MSR1: variants seen among roughly 807,000 people sequenced by gnomAD.
The protein encoded by MSR1 is macrophage scavenger receptor types I and II.
A neutral mutation model predicts 47.2 loss-of-function variants in MSR1; 53 were observed. The ratio of observed to expected loss-of-function variants is 1.12; its 90% CI spans 0.90 to 1.41. The LOEUF (loss-of-function observed/expected upper bound fraction) is 1.41, where lower values mean the gene tolerates loss of function less well. Among genes scored for constraint, MSR1 ranks in the 40% most tolerant of loss-of-function variants. The probability of loss-of-function intolerance (pLI) is 0.00; values close to 1 mark genes in which losing one functional copy is unlikely to be tolerated. For missense variants in MSR1, 786 were observed against 546.9 expected, an observed-to-expected ratio of 1.44 and a Z score of -4.36; for synonymous variants, 239 against 185.6, an observed-to-expected ratio of 1.29 and a Z score of -2.34.
intron 8 of MSR1, among the ~76,000 whole-genome samples, chr8:16,135,738 G>A (rs1800373203): frequency 6.6e-6 from 1 of 152,086 alleles, no homozygotes; most frequent in Non-Finnish European, 1.5e-5. Context: ...ATCCTATATG[G>A]CATTAAAATA....
Position 16,175,294 on chromosome 8 carries a change from T to G in MSR1, c.110A>C (p.Lys37Thr). Residue 37 changes from lysine to threonine, a missense_variant, in exon 3 of 10, where the codon AAA becomes ACA. By Grantham distance (78) the Lys-to-Thr change is moderately conservative. Transcript: ENST00000262101. ...SMTALLPPNP[K>T]NSPSLQEKLK... Reference sequence around the variant, plus strand: ...TTTCTCTTGAAGGGAAGGGCTGTTTTTAGGATCTAATAAAACAAAAAAGCC... The same window carrying G: ...TTTCTCTTGAAGGGAAGGGCTGTTTGTAGGATCTAATAAAACAAAAAAGCC... 1 of 1,613,820 alleles carries G rather than the reference T, an allele frequency of 6.2e-7. No individual in the cohort carries two copies. Among genetic ancestry groups the G allele is most frequent in the Non-Finnish European group, 8.5e-7 (1 of 1,179,712 alleles).
At chr8:16,184,237 C>A (rs1307503924) in intron 1 of MSR1, among the ~76,000 whole-genome samples, 2 of 151,912 alleles carry the variant, frequency 1.3e-5, no homozygotes, top group Non-Finnish European at 2.9e-5. Flanking sequence ...TTTCACATAA[C>A]CTTTTCAGCC....
chr8:16,110,311 CA>C lies in MSR1; in HGVS notation c.1223-94del. The C allele has an allele frequency of 2.9e-6, 4 of 1,396,086 alleles. No individual in the cohort carries two copies. In the Admixed American group the frequency reaches 6.9e-5, roughly 24 times the overall value. 86.5% of individuals were successfully genotyped at this position (1,396,086 alleles called of 1,614,324 possible). The stretch of plus-strand genomic sequence containing the variant: ...GCCATTAATTCCTTCACTAATTAAA[CA>C]AAAAAGTGTTGATTATTTTCTGTAT... On this transcript the variant is annotated intron_variant, in intron 9 of 9. Coordinates refer to ENST00000262101, the MANE Select transcript of MSR1 (RefSeq NM_138715.3).
intron 1 of MSR1, among the ~76,000 whole-genome samples, chr8:16,180,123 C>G (rs1801784950): frequency 6.6e-6 from 1 of 151,296 alleles, no homozygotes; most frequent in Non-Finnish European, 1.5e-5. Flanking sequence ...TCTCTCTCCC[C>G]TTCTCCCTCT....
chr8:16,119,640 T>C (rs968923079), intron 9 of MSR1, among the ~76,000 whole-genome samples: 1 of 152,162 alleles, frequency 6.6e-6, no homozygotes, highest in African/African-American at 2.4e-5. Context: ...CAATAAATCA[T>C]AGCATATTAG....
In MSR1 at chr8:16,189,414, T is replaced by C. The variant is rs796458585; in HGVS notation, c.-5+3184A>G. 6.5e-3 allele frequency among the ~76,000 whole-genome samples: 638 copies of C among 97,910 alleles called. 36 individuals are homozygous for C. In the East Asian group the frequency reaches 0.11, roughly 16 times the overall value. 64.2% of individuals were successfully genotyped at this position (97,910 alleles called of 152,430 possible). ...TTATTTTATATATATTTTATATATA[T>C]TTTATATATATAAAATCATATTTTA... On this transcript the variant is annotated intron_variant, in intron 1 of 9. Coordinates refer to ENST00000262101, the MANE Select transcript of MSR1 (RefSeq NM_138715.3).
intron 9 of MSR1, among the ~76,000 whole-genome samples, chr8:16,115,927 G>A (rs935942797): frequency 1.3e-5 from 2 of 152,110 alleles, no homozygotes; most frequent in African/African-American, 2.4e-5. Context: ...GTTTGAGGCT[G>A]CATTAACCTG....
At chr8:16,123,359 G>C (rs904939764) in intron 8 of MSR1, among the ~76,000 whole-genome samples, 1 of 152,108 alleles carries the variant, frequency 6.6e-6, no homozygotes, top group Non-Finnish European at 1.5e-5. Flanking sequence ...CTCTGTTTTG[G>C]TGATGTAGAA....
rs1163156659 is a variant in MSR1 at position 16,175,267 on chromosome 8, A to G, written c.137T>C (p.Leu46Pro). Reference sequence around the variant, plus strand: ...AATCAGTGCAGCTTTGAAGGACTTCAGTTTCTCTTGAAGGGAAGGGCTGTT... The same window carrying G: ...AATCAGTGCAGCTTTGAAGGACTTCGGTTTCTCTTGAAGGGAAGGGCTGTT... ...PKNSPSLQEK[L>P]KSFKAALIAL... Residue 46 changes from leucine to proline, a missense_variant, in exon 3 of 10, where the codon CTG (leucine) becomes CCG (proline). Leu to Pro is a moderately conservative substitution (Grantham distance 98, BLOSUM62 -3). Transcript: ENST00000262101. 6 of 1,614,032 alleles carry G rather than the reference A, an allele frequency of 3.7e-6. No individual in the cohort carries two copies. The highest frequency in any genetic ancestry group is 5.1e-6 in the Non-Finnish European group (6 of 1,180,002).
chr8:16,146,539 C>T (rs1466063618), intron 7 of MSR1, among the ~76,000 whole-genome samples: 1 of 152,142 alleles, frequency 6.6e-6, no homozygotes, highest in East Asian at 1.9e-4. Flanking sequence ...CCCACAGAAT[C>T]TGCTCTGAAC....
chr8:16,154,744 T>A (rs1800952771), intron 6 of MSR1, among the ~76,000 whole-genome samples: 1 of 152,022 alleles, frequency 6.6e-6, no homozygotes, highest in African/African-American at 2.4e-5. Context: ...TGCCTTATAC[T>A]GTTTGCTGTC....
intron 7 of MSR1, among the ~76,000 whole-genome samples, chr8:16,147,861 T>G (rs1275680658): frequency 6.6e-6 from 1 of 152,150 alleles, no homozygotes; most frequent in East Asian, 1.9e-4. Flanking sequence ...TTCTGCACTG[T>G]TTTTTTCCAC....
At chr8:16,112,942 A>ATTTTTTTTTTTTTTT (rs1563136141) in intron 9 of MSR1, among the ~76,000 whole-genome samples, 2 of 117,754 alleles carry the variant, frequency 1.7e-5, no homozygotes, top group African/African-American at 3.0e-5. Flanking sequence ...ATTTTTTTTA[A>ATTTTTTTTTTTTTTT]GTTTTTTTTT....
At chr8:16,183,813 T>C (rs956708110) in intron 1 of MSR1, among the ~76,000 whole-genome samples, 2 of 141,196 alleles carry the variant, frequency 1.4e-5, no homozygotes, top group Non-Finnish European at 3.1e-5. Context: ...AGTTGGCAAA[T>C]ATATTATATA....
At chr8:16,129,785 G>C (rs938571410) in intron 8 of MSR1, among the ~76,000 whole-genome samples, 4 of 152,034 alleles carry the variant, frequency 2.6e-5, no homozygotes, top group Non-Finnish European at 5.9e-5. Context: ...TTAAGGGCAG[G>C]ACATTTCCAG....
intron 5 of MSR1, among the ~76,000 whole-genome samples, chr8:16,158,753 G>T (rs1358645903): frequency 6.6e-6 from 1 of 151,642 alleles, no homozygotes; most frequent in Non-Finnish European, 1.5e-5. Flanking sequence ...AGGTCTTAAA[G>T]CTAGTTGGGT....
At chr8:16,138,218 TGA>T (rs1265752448) in intron 8 of MSR1, among the ~76,000 whole-genome samples, 1 of 152,154 alleles carries the variant, frequency 6.6e-6, no homozygotes, top group African/African-American at 2.4e-5. Context: ...CAAAGAATGA[TGA>T]GAAATACTAC....
rs189885565 is a variant in MSR1 at position 16,137,556 on chromosome 8, T to C, written c.1033+6002A>G. On this transcript the variant is annotated intron_variant, in intron 8 of 9. Transcript: ENST00000262101. ...AGTGTGGGAATATTGAATGGAGTCA[T>C]AAGGACTTTGGAGATTTAAAGACCT... is the stretch of plus-strand genomic sequence containing the variant. Among the ~76,000 whole-genome samples the C allele has an allele frequency of 2.0e-5, 3 of 152,280 alleles. No individual in the cohort carries two copies. In the East Asian group the frequency reaches 5.8e-4, roughly 29 times the overall value.
At chr8:16,117,750 T>A (rs113915058) in intron 9 of MSR1, among the ~76,000 whole-genome samples, 7,249 of 152,146 alleles carry the variant, frequency 0.048, 274 homozygotes, top group East Asian at 0.13. Context: ...ACTTCAGGTG[T>A]CACTGTCTCC....
Sources: allele counts gnomAD v4.1 joint callset (sites outside exome capture counted in the v4.1 genomes callset), GRCh38; gene constraint gnomAD v4.1.1; transcripts MANE v1.5; gene names NCBI Gene and HGNC (gene_info 2026-07-23, HGNC 2026-07-21).